Variants in SND1 observed in about 807,000 individuals in gnomAD.
The protein encoded by SND1 is staphylococcal nuclease and tudor domain containing 1.
Under a neutral mutation model 121.7 loss-of-function variants are expected in SND1, and 38 were observed. The ratio of observed to expected loss-of-function variants is 0.31; its 90% CI spans 0.24 to 0.41. SND1 has a LOEUF of 0.41. SND1 is among the 10% of genes least tolerant of loss of function. The pLI is 1.00. For synonymous variants in SND1, 401 were observed against 447.4 expected (o/e 0.90, Z 1.31); for missense variants, 868 against 1,184.6 (o/e 0.73, Z 3.92).
intron 12 of SND1, among the ~76,000 whole-genome samples, chr7:127,882,053 A>G (rs371954637): frequency 9.2e-5 from 14 of 152,126 alleles, no homozygotes; most frequent in African/African-American, 3.1e-4. Context: ...AGGAGTTCAC[A>G]ACCATCCTGG....
At chr7:127,922,291 A>G (rs1800736420) in intron 14 of SND1, among the ~76,000 whole-genome samples, 1 of 148,414 alleles carries the variant, frequency 6.7e-6, no homozygotes, top group South Asian at 2.1e-4. Context: ...GCAAAACATT[A>G]CAGGCATGAG....
Position 128,057,671 on chromosome 7 carries a change from C to T in SND1, c.1780-16831C>T, listed in dbSNP as rs544106574. Among the ~76,000 whole-genome samples the T allele has an allele frequency of 5.9e-5, 9 of 152,052 alleles. No homozygotes were observed. The South Asian group carries it at 6.3e-4, about 11-fold the overall frequency. ...AGAAGTCCCACCAAGAAATTTCTGC[C>T]GAATCTCGCTAGTGTGGCCAGTGAG... is the stretch of plus-strand genomic sequence containing the variant. On this transcript the variant is annotated intron_variant, in intron 16 of 23. Transcript: ENST00000354725.
intron 5 of SND1, among the ~76,000 whole-genome samples, chr7:127,702,065 A>G (rs1796114502): frequency 6.6e-6 from 1 of 152,204 alleles, no homozygotes; most frequent in African/African-American, 2.4e-5. Context: ...CGGTTTTGAG[A>G]CCTTGCTAAC....
chr7:127,979,102 T>C (rs994987302), intron 15 of SND1, among the ~76,000 whole-genome samples: 7 of 152,180 alleles, frequency 4.6e-5, no homozygotes, highest in Non-Finnish European at 1.0e-4. Flanking sequence ...TGATCTTTGT[T>C]ACAAATATTC....
intron 16 of SND1, chr7:128,028,918 T>A: frequency 6.2e-7 from 1 of 1,612,230 alleles, no homozygotes; most frequent in Non-Finnish European, 8.5e-7. Context: ...GCTGCTGGGA[T>A]GTCTTCGTCC....
intron 16 of SND1, chr7:128,030,955 C>T: frequency 4.4e-6 from 1 of 226,292 alleles, no homozygotes; most frequent in Non-Finnish European, 8.6e-6. Context: ...TGTCCTTAAG[C>T]TTTCTCCACG....
At chr7:127,847,691 C>T (rs1799091449) in intron 12 of SND1, among the ~76,000 whole-genome samples, 1 of 152,188 alleles carries the variant, frequency 6.6e-6, no homozygotes, top group South Asian at 2.1e-4. Flanking sequence ...TAAAGCCTTT[C>T]CTCTTTATTA....
intron 8 of SND1, among the ~76,000 whole-genome samples, chr7:127,705,276 G>A (rs957728570): frequency 6.6e-6 from 1 of 152,172 alleles, no homozygotes; most frequent in African/African-American, 2.4e-5. Context: ...AAGCTTATTT[G>A]AGAAAGATGA....
At chr7:128,046,353 G>GGTT (rs934819673) in intron 16 of SND1, among the ~76,000 whole-genome samples, 24 of 144,812 alleles carry the variant, frequency 1.7e-4, no homozygotes, top group Middle Eastern at 3.5e-3. Context: ...TTTTTTTTTT[G>GGTT]GTTGTTGTTG....
Position 127,797,173 on chromosome 7 carries a change from G to A in SND1, c.1153-10311G>A, listed in dbSNP as rs140402135. ...CTCCCACAGTGCTGGGATTACAGGT[G>A]TGAGCCGCTGTGCCCGGGCTATTTT... On this transcript the variant is annotated intron_variant, in intron 10 of 23. Transcript: ENST00000354725. Among the ~76,000 whole-genome samples the A allele has an allele frequency of 9.2e-4, 140 of 152,244 alleles. 1 individual carries two copies. Among genetic ancestry groups the A allele is most frequent in the Middle Eastern group, 3.4e-3 (1 of 294 alleles).
intron 10 of SND1, among the ~76,000 whole-genome samples, chr7:127,733,784 AC>A (rs1327992275): frequency 1.3e-5 from 2 of 152,070 alleles, no homozygotes; most frequent in Middle Eastern, 3.2e-3. Flanking sequence ...CCTGCCACTG[AC>A]TGCCACTGCC....
intron 20 of SND1, chr7:128,086,571 G>A: frequency 3.0e-6 from 1 of 337,482 alleles, no homozygotes; most frequent in South Asian, 2.4e-5. Context: ...CTAGCCAGCA[G>A]CTGGAGAACC....
intron 11 of SND1, among the ~76,000 whole-genome samples, chr7:127,832,805 C>T (rs1482040824): frequency 6.6e-6 from 1 of 152,212 alleles, no homozygotes; most frequent in Non-Finnish European, 1.5e-5. Flanking sequence ...GAGCAGCAGG[C>T]CAGCCAGCGT....
chr7:127,933,991 G>A (rs1801003998), intron 15 of SND1, among the ~76,000 whole-genome samples: 1 of 152,160 alleles, frequency 6.6e-6, no homozygotes, highest in African/African-American at 2.4e-5. Flanking sequence ...ACACCCAAGG[G>A]AATACAGACA....
intron 16 of SND1, among the ~76,000 whole-genome samples, chr7:128,064,772 C>T (rs538007736): frequency 6.6e-6 from 1 of 152,126 alleles, no homozygotes; most frequent in Admixed American, 6.5e-5. Context: ...GAAGAATTCA[C>T]AATTGCTACT....
chr7:127,706,352 G>A (rs994004772), intron 8 of SND1, among the ~76,000 whole-genome samples: 2 of 140,244 alleles, frequency 1.4e-5, no homozygotes, highest in African/African-American at 5.4e-5. Context: ...TACCTCCCTG[G>A]TTCAAGCGAT....
At chr7:127,757,076 A>C (rs188248498) in intron 10 of SND1, among the ~76,000 whole-genome samples, 9 of 152,284 alleles carry the variant, frequency 5.9e-5, no homozygotes, top group Middle Eastern at 3.4e-3. Flanking sequence ...TTAGTATCCC[A>C]AAAATTTCCC....
intron 12 of SND1, among the ~76,000 whole-genome samples, chr7:127,882,617 G>C (rs569466766): frequency 6.6e-6 from 1 of 152,094 alleles, no homozygotes; most frequent in Admixed American, 6.5e-5. Context: ...AATTTAAAAA[G>C]AGAATGAAAG....
intron 15 of SND1, among the ~76,000 whole-genome samples, chr7:127,960,376 C>T (rs1246466610): frequency 6.6e-6 from 1 of 152,160 alleles, no homozygotes; most frequent in Non-Finnish European, 1.5e-5. Flanking sequence ...ATTGCCACAA[C>T]CAAAAATGAC....
Sources: gnomAD v4.1 joint callset for allele counts (sites outside exome capture counted in the v4.1 genomes callset) on GRCh38, gnomAD v4.1.1 for gene constraint, MANE v1.5 for transcripts, NCBI Gene and HGNC (gene_info 2026-07-23, HGNC 2026-07-21) for gene names.